CRIP2: variants seen among roughly 807,000 people sequenced by gnomAD.
The protein encoded by CRIP2 is cysteine rich protein 2.
CRIP2 carries 31 observed loss-of-function variants against 31.3 expected under a neutral mutation model. The ratio of observed to expected loss-of-function variants is 0.99; its 90% CI spans 0.74 to 1.34. CRIP2 has a LOEUF of 1.34. Among genes scored for constraint, CRIP2 ranks in the 40% most tolerant of loss-of-function variants. The probability of loss-of-function intolerance (pLI) is 0.00; values close to 1 mark genes in which losing one functional copy is unlikely to be tolerated. For missense variants in CRIP2, 389 were observed against 301.6 expected (o/e 1.29, Z -2.15); for synonymous variants, 177 against 127.2 (o/e 1.39, Z -2.63).
chr14:105,473,541 C>G, upstream of CRIP2: 1 of 1,526,158 alleles, frequency 6.6e-7, no homozygotes, highest in African/African-American at 1.4e-5. Context: ...CCCACAGCCT[C>G]CAAGACACAG....
rs1555436393 is a variant in CRIP2 at position 105,478,433 on chromosome 14, C to G, written c.139-17C>G. ...GCCACCCTCAGGCAGGGTCCTGACC[C>G]GCGCCCCTCTGCGCAGCATGACGGG... On this transcript the variant is annotated splice_polypyrimidine_tract_variant and intron_variant, in intron 2 of 7. Coordinates refer to ENST00000329146, the MANE Select transcript of CRIP2 (RefSeq NM_001312.4). The surrounding 1 kb of genome is among the most constrained non-coding windows in gnomAD (Gnocchi z 4.9). The G allele has an allele frequency of 2.5e-6, 4 of 1,599,640 alleles. No homozygotes were observed. In the South Asian group the frequency reaches 3.3e-5, roughly 13 times the overall value.
chr14:105,476,008 C>T (rs1321329269), intron 1 of CRIP2: 4 of 985,540 alleles, frequency 4.1e-6, no homozygotes, highest in Non-Finnish European at 4.8e-6. Context: ...TTTTGCCCGT[C>T]CCAGAGGGGA....
In CRIP2 at chr14:105,478,398, C is replaced by G. The variant is rs782628981; in HGVS notation, c.138+38C>G. On this transcript the variant is annotated intron_variant, in intron 2 of 7. Transcript: ENST00000329146. This position sits in a 1 kb window ranked among gnomAD's most constrained non-coding sequence, Gnocchi z 4.9. ...GCGCGGCGCGGGCGGGGGCGGGGGT[C>G]GCGACTCCCGCCACCCTCAGGCAGG... is the stretch of plus-strand genomic sequence containing the variant. The G allele has an allele frequency of 3.2e-6, 5 of 1,571,608 alleles. No homozygotes were observed. In the East Asian group the frequency reaches 1.2e-4, roughly 37 times the overall value.
In CRIP2 at chr14:105,478,505, A is replaced by C. The variant is rs782410916; in HGVS notation, c.194A>C (p.Lys65Thr). 3.8e-5 allele frequency: 61 copies of C among 1,608,426 alleles called. No homozygotes were observed. The highest frequency in any genetic ancestry group is 1.4e-5 in the Non-Finnish European group (17 of 1,178,812). Residue 65 changes from lysine to threonine, a missense_variant and splice_region_variant, in exon 3 of 8, where the codon AAA becomes ACA. Coordinates refer to ENST00000329146, the MANE Select transcript of CRIP2 (RefSeq NM_001312.4). The surrounding 1 kb of genome is among the most constrained non-coding windows in gnomAD (Gnocchi z 4.9). ...KPCYATLFGP[K>T]GVNIGGAGSY... ...TGCTACGCCACCCTGTTCGGACCCA[A>C]AGGTGAGCTCCGGCTGCCCTCGGCC...
Position 105,479,569 on chromosome 14 carries a change from G to C in CRIP2, c.560-17G>C. 3.1e-6 allele frequency: 5 copies of C among 1,612,750 alleles called. No homozygotes were observed. The highest frequency in any genetic ancestry group is 1.7e-4 in the Middle Eastern group (1 of 6,060). ...TCCACTGTTCCCCCGACCCACCCCA[G>C]CGGCCTCCCTCCACAGGAGTGAACA... On this transcript the variant is annotated splice_polypyrimidine_tract_variant and intron_variant, in intron 7 of 7. Coordinates refer to ENST00000329146, the MANE Select transcript of CRIP2 (RefSeq NM_001312.4).
upstream of CRIP2, chr14:105,474,782 C>T: frequency 8.4e-7 from 1 of 1,191,220 alleles, no homozygotes; most frequent in Non-Finnish European, 1.0e-6. This position sits in a 1 kb window ranked among gnomAD's most constrained non-coding sequence, Gnocchi z 5.1. Flanking sequence ...CGCGGACAGC[C>T]GGGCAGGCGG....
chr14:105,478,525 T>G lies in CRIP2; in HGVS notation c.196+18T>G, dbSNP rs1555436443. The stretch of plus-strand genomic sequence containing the variant: ...ACCCAAAGGTGAGCTCCGGCTGCCC[T>G]CGGCCTGCCCTGGGACCTGCTGGGA... On this transcript the variant is annotated intron_variant, in intron 3 of 7. Transcript: ENST00000329146. This position sits in a 1 kb window ranked among gnomAD's most constrained non-coding sequence, Gnocchi z 4.9. 5 of 1,604,612 alleles carry G rather than the reference T, an allele frequency of 3.1e-6. No homozygotes were observed. Among genetic ancestry groups the G allele is most frequent in the South Asian group, 2.2e-5 (2 of 90,020 alleles).
At chr14:105,477,420 C>T (rs984655129) in intron 1 of CRIP2, 10 of 985,054 alleles carry the variant, frequency 1.0e-5, no homozygotes, top group Middle Eastern at 5.2e-4. Context: ...GGAGGACCCA[C>T]GGGGACGGGG....
Position 105,479,884 on chromosome 14 carries a change from T to G in CRIP2, c.*231T>G. On this transcript the variant is annotated 3_prime_UTR_variant, in exon 8 of 8. Coordinates refer to ENST00000329146, the MANE Select transcript of CRIP2 (RefSeq NM_001312.4). ...TCCCATGATCCCTTCTGTGTCTGCG[T>G]GTCCGAATCCCCGTGTGACCCTGTC... The G allele has an allele frequency of 1.7e-6, 1 of 583,126 alleles. No individual in the cohort carries two copies. Among genetic ancestry groups the G allele is most frequent in the Non-Finnish European group, 3.1e-6 (1 of 325,714 alleles). The allele number at this position is 583,126 out of a possible 1,614,324, so 36.1% of individuals were successfully genotyped here. A position where few individuals can be genotyped will look rare whatever the true frequency, so the allele number is the denominator to read the frequency against.
chr14:105,479,386 G>C (rs782595754), intron 6 of CRIP2, 50 bp from the exon 7 acceptor site: 1 of 1,609,262 alleles, frequency 6.2e-7, no homozygotes, highest in Non-Finnish European at 8.5e-7. Flanking sequence ...CCAGGTGATG[G>C]GTCGGGGGAG....
rs782689186 is a variant in CRIP2, at chr14:105,479,494, G to A, written c.559+1G>A. Reference sequence around the variant, plus strand: ...TATGGAATCCTCTTCGGACCCAAGGGTGAGTGTAGCCAGGGTGGTCCACGA... The same window carrying A: ...TATGGAATCCTCTTCGGACCCAAGGATGAGTGTAGCCAGGGTGGTCCACGA... On this transcript the variant is annotated splice_donor_variant, in intron 7 of 7. Coordinates refer to ENST00000329146, the MANE Select transcript of CRIP2 (RefSeq NM_001312.4). LOFTEE classifies it high-confidence loss of function. The A allele has an allele frequency of 6.8e-6, 11 of 1,612,856 alleles. No homozygotes were observed. The highest frequency in any genetic ancestry group is 2.7e-5 in the African/African-American group (2 of 74,926).
upstream of CRIP2, chr14:105,473,214 G>C (rs1555435112): frequency 1.3e-6 from 2 of 1,533,316 alleles, no homozygotes; most frequent in East Asian, 2.4e-5. Context: ...GGGCCTGCCA[G>C]GGAGGAAGGG....
chr14:105,474,826 A>T lies in CRIP2; in HGVS notation c.-37A>T. The T allele has an allele frequency of 7.1e-7, 1 of 1,406,064 alleles. No homozygotes were observed. 87.1% of individuals were successfully genotyped at this position (1,406,064 alleles called of 1,614,324 possible). On this transcript the variant is annotated 5_prime_UTR_variant, in exon 1 of 8. Coordinates refer to ENST00000329146, the MANE Select transcript of CRIP2 (RefSeq NM_001312.4). The surrounding 1 kb of genome is among the most constrained non-coding windows in gnomAD (Gnocchi z 5.1). ...GCGGGCGGCGGCGGCCCGGAGGAGA[A>T]CGGGCGGAGGGCGCGGGCCGACCGG...
intron 6 of CRIP2, 59 bp from the exon 7 acceptor site, chr14:105,479,377 C>T: frequency 6.2e-7 from 1 of 1,607,376 alleles, no homozygotes; most frequent in Non-Finnish European, 8.5e-7. Flanking sequence ...TGGAAGCCTC[C>T]AGGTGATGGG....
Position 105,479,125 on chromosome 14 carries a change from C to T in CRIP2, c.407C>T (p.Ala136Val). The part of the protein sequence containing the change: ...CPRCSKKVYF[A>V]EKVTSLGKDW... ...CGGCCTCACTCCTCCCCCTTTCCAGCTGAGAAGGTGACGTCTCTGGGCAAG... is the reference window on the plus strand; with the variant it reads ...CGGCCTCACTCCTCCCCCTTTCCAGTTGAGAAGGTGACGTCTCTGGGCAAG... Residue 136 changes from alanine (A) to valine (V), a missense_variant and splice_region_variant, in exon 6 of 8, where the codon GCT becomes GTT. Ala to Val is a moderately conservative substitution (Grantham distance 64). Transcript: ENST00000329146. 1.2e-6 allele frequency: 2 copies of T among 1,611,648 alleles called. No individual in the cohort carries two copies. Among genetic ancestry groups the T allele is most frequent in the East Asian group, 2.2e-5 (1 of 44,846 alleles).
intron 6 of CRIP2, 26 bp from the exon 7 acceptor site, chr14:105,479,410 C>T (rs587623868): frequency 1.7e-5 from 27 of 1,612,460 alleles, no homozygotes; most frequent in African/African-American, 1.3e-4. Flanking sequence ...GTGGACTCCT[C>T]CCTCAGCACC....
At chr14:105,476,836 C>G (rs2141750932) in intron 1 of CRIP2, 1 of 911,274 alleles carries the variant, frequency 1.1e-6, no homozygotes, top group East Asian at 1.2e-4. Context: ...GAGGCTGGCC[C>G]TGGCCATGCC....
Position 105,474,980 on chromosome 14 carries a change from G to A in CRIP2, c.43+75G>A. On this transcript the variant is annotated intron_variant, in intron 1 of 7. Transcript: ENST00000329146. The surrounding 1 kb of genome is among the most constrained non-coding windows in gnomAD (Gnocchi z 5.1). ...GCGGCCAGTCCCGCGCCGCAGAGCC[G>A]CGGCGTAACTCGGGGTGCGCCCGGC... The A allele has an allele frequency of 1.5e-6, 2 of 1,373,832 alleles. No individual in the cohort carries two copies. Among genetic ancestry groups the A allele is most frequent in the Non-Finnish European group, 9.5e-7 (1 of 1,057,482 alleles). The allele number at this position is 1,373,832 out of a possible 1,614,324, so 85.1% of individuals were successfully genotyped here.
chr14:105,479,288 C>A, intron 6 of CRIP2, 69 bp downstream of exon 6: 1 of 1,511,288 alleles, frequency 6.6e-7, no homozygotes, highest in Non-Finnish European at 9.0e-7. Context: ...GGGTGAGAGG[C>A]GCGCCTAGAG....
Sources: gnomAD v4.1 joint callset for allele counts on GRCh38, gnomAD v4.1.1 for gene constraint, Gnocchi (gnomAD v3.1) non-coding constraint, MANE v1.5 for transcripts, NCBI Gene and HGNC (gene_info 2026-07-23, HGNC 2026-07-21) for gene names.